The following PCSK2 variants were observed in gnomAD, a reference collection of about 807,000 sequenced individuals.
PCSK2 encodes the protein proprotein convertase subtilisin/kexin type 2.
A neutral mutation model predicts 69.7 loss-of-function variants in PCSK2; 14 were observed. The ratio of observed to expected loss-of-function variants is 0.20; its 90% CI spans 0.13 to 0.31. The LOEUF (loss-of-function observed/expected upper bound fraction) is 0.31. Ranked by LOEUF, PCSK2 falls within the 10% of genes least tolerant of loss-of-function variation. PCSK2 has a pLI of 1.00. For missense variants in PCSK2, 544 were observed against 842.5 expected (o/e 0.65, Z 4.39); for synonymous variants, 307 against 320.7 (o/e 0.96, Z 0.46).
At position 17,381,367 on chromosome 20, in the gene PCSK2, A is replaced by G. The variant is rs370120691; in HGVS notation, c.543+12090A>G. The stretch of plus-strand genomic sequence containing the variant: ...GAGTGCTCTGCTAGGCAGAAGAATA[A>G]GATGTATTACAGTGTGTAGGAGATG... On this transcript the variant is annotated intron_variant, in intron 5 of 11. Transcript: ENST00000262545. 2.6e-5 allele frequency among the ~76,000 whole-genome samples: 4 copies of G among 152,326 alleles called. No homozygotes were observed. The East Asian group carries it at 7.7e-4, about 29-fold the overall frequency.
At chr20:17,434,298 T>C (rs2032439709) in intron 7 of PCSK2, among the ~76,000 whole-genome samples, 1 of 152,016 alleles carries the variant, frequency 6.6e-6, no homozygotes, top group Admixed American at 6.6e-5. Flanking sequence ...CATTCCCCTG[T>C]AGCTCCTAGA....
intron 2 of PCSK2, among the ~76,000 whole-genome samples, chr20:17,342,051 T>C (rs895850117): frequency 1.3e-5 from 2 of 152,210 alleles, no homozygotes; most frequent in African/African-American, 4.8e-5. Flanking sequence ...TGAAGCACTA[T>C]CCAGTCCCAT....
rs182541901 is a variant in PCSK2, at chr20:17,325,577, G to A, written c.283-32750G>A. Reference sequence around the variant, plus strand: ...TCATATCTCAATTAACTATTGCTACGTAACAAATGTAACAAGTGTCTCCAA... The same window carrying A: ...TCATATCTCAATTAACTATTGCTACATAACAAATGTAACAAGTGTCTCCAA... On this transcript the variant is annotated intron_variant, in intron 2 of 11. Coordinates refer to ENST00000262545, the MANE Select transcript of PCSK2 (RefSeq NM_002594.5). 1.1e-3 allele frequency among the ~76,000 whole-genome samples: 166 copies of A among 152,300 alleles called. 1 individual carries two copies. Among genetic ancestry groups the A allele is most frequent in the African/African-American group, 3.6e-3 (150 of 41,556 alleles).
chr20:17,367,081 TTTTAAAATATAAATA>T (rs1203269174), intron 4 of PCSK2, among the ~76,000 whole-genome samples: 1 of 151,436 alleles, frequency 6.6e-6, no homozygotes, highest in African/African-American at 2.4e-5. Context: ...AGAGAATATA[TTTTAAAATATAAATA>T]TTTAAAATAT....
intron 5 of PCSK2, among the ~76,000 whole-genome samples, chr20:17,382,631 T>G (rs759757354): frequency 5.9e-5 from 9 of 152,182 alleles, no homozygotes; most frequent in Non-Finnish European, 1.2e-4. Context: ...ACTGGCATCC[T>G]GGACCAAGCC....
chr20:17,434,003 CCTCT>C (rs1218768667), intron 7 of PCSK2, among the ~76,000 whole-genome samples: 2 of 136,398 alleles, frequency 1.5e-5, no homozygotes, highest in East Asian at 4.7e-4. Flanking sequence ...CTGTCCTCTC[CCTCT>C]CTCTCTACCT....
chr20:17,251,289 A>G (rs1986968143), intron 1 of PCSK2, among the ~76,000 whole-genome samples: 1 of 152,182 alleles, frequency 6.6e-6, no homozygotes, highest in South Asian at 2.1e-4. Context: ...TCCAGAGTAT[A>G]TCAGCAGGGT....
rs557899178 is a variant in PCSK2, at chr20:17,409,792, A to T, written c.620+453A>T. On this transcript the variant is annotated intron_variant, in intron 6 of 11. Coordinates refer to ENST00000262545, the MANE Select transcript of PCSK2 (RefSeq NM_002594.5). Reference sequence around the variant, plus strand: ...CCCTTTCAACAAAACAGTAAGTGTGATTGGCAGAGGTTTGAAGTATTGCTT... The same window carrying T: ...CCCTTTCAACAAAACAGTAAGTGTGTTTGGCAGAGGTTTGAAGTATTGCTT... Among the ~76,000 whole-genome samples, 10 of 152,312 alleles carry T rather than the reference A, an allele frequency of 6.6e-5. No individual in the cohort carries two copies. The South Asian group carries it at 1.4e-3, about 22-fold the overall frequency.
intron 5 of PCSK2, among the ~76,000 whole-genome samples, chr20:17,397,036 C>A (rs1189347618): frequency 6.6e-6 from 1 of 152,196 alleles, no homozygotes; most frequent in East Asian, 1.9e-4. Context: ...TGAGGCCAAG[C>A]AAAGACTTGA....
At chr20:17,279,824 A>C (rs563146597) in intron 2 of PCSK2, among the ~76,000 whole-genome samples, 76 of 152,018 alleles carry the variant, frequency 5.0e-4, no homozygotes, top group Non-Finnish European at 1.6e-4. Context: ...GCCCATCCAC[A>C]TGCAAATATC....
At chr20:17,378,970 CT>C (rs1261441627) in intron 5 of PCSK2, among the ~76,000 whole-genome samples, 2 of 152,144 alleles carry the variant, frequency 1.3e-5, no homozygotes, top group African/African-American at 4.8e-5. Flanking sequence ...ATTTGGGTTT[CT>C]ATCTCATAGA....
chr20:17,343,712 C>A (rs1990572310), intron 2 of PCSK2, among the ~76,000 whole-genome samples: 1 of 152,148 alleles, frequency 6.6e-6, no homozygotes, highest in Non-Finnish European at 1.5e-5. Flanking sequence ...AGTATCCTTA[C>A]AAGAGGAAGG....
chr20:17,359,965 A>G (rs1259898210), intron 3 of PCSK2, among the ~76,000 whole-genome samples: 1 of 152,208 alleles, frequency 6.6e-6, no homozygotes. Context: ...TCTGCATTAG[A>G]ACATGCACTA....
intron 11 of PCSK2, among the ~76,000 whole-genome samples, chr20:17,478,046 A>G (rs1345286891): frequency 6.6e-6 from 1 of 152,204 alleles, no homozygotes; most frequent in Non-Finnish European, 1.5e-5. Context: ...ACTTGTATAG[A>G]TAAGACTGAT....
chr20:17,267,990 C>T (rs6034788), intron 2 of PCSK2, among the ~76,000 whole-genome samples: 1 of 143,304 alleles, frequency 7.0e-6, no homozygotes, highest in Non-Finnish European at 1.5e-5. Context: ...CCTCCCCAAC[C>T]TTCCCCAAGA....
intron 2 of PCSK2, among the ~76,000 whole-genome samples, chr20:17,328,747 G>A (rs1990133787): frequency 6.6e-6 from 1 of 152,158 alleles, no homozygotes; most frequent in South Asian, 2.1e-4. Context: ...AACTGACTTG[G>A]CTAACAACAC....
intron 1 of PCSK2, among the ~76,000 whole-genome samples, chr20:17,248,480 A>C (rs1437107862): frequency 6.6e-6 from 1 of 152,160 alleles, no homozygotes; most frequent in African/African-American, 2.4e-5. Context: ...TTATGATTGC[A>C]CAAAGCTCTT....
chr20:17,355,666 CACACACACAG>C (rs1411810871), intron 2 of PCSK2, among the ~76,000 whole-genome samples: 2 of 151,706 alleles, frequency 1.3e-5, no homozygotes, highest in Non-Finnish European at 2.9e-5. Context: ...CACACACACA[CACACACACAG>C]AGAGAGAGCT....
At chr20:17,252,698 C>A (rs760014811) in intron 1 of PCSK2, among the ~76,000 whole-genome samples, 3 of 152,178 alleles carry the variant, frequency 2.0e-5, no homozygotes, top group Non-Finnish European at 2.9e-5. Context: ...GTGTGCAAAT[C>A]TTCCTTCCCT....
Sources: gnomAD v4.1 joint callset for allele counts (sites outside exome capture counted in the v4.1 genomes callset) on GRCh38, gnomAD v4.1.1 for gene constraint, MANE v1.5 for transcripts, NCBI Gene and HGNC (gene_info 2026-07-23, HGNC 2026-07-21) for gene names.